Variants in HSP90AA1 observed in about 807,000 individuals in gnomAD.
The protein encoded by HSP90AA1 is heat shock protein 90 alpha family class A member 1, also known as heat shock protein HSP 90-alpha.
HSP90AA1 carries 18 observed loss-of-function variants against 73.3 expected under a neutral mutation model. That is an observed-to-expected ratio of 0.25 (90% CI 0.17 to 0.36). HSP90AA1 has a LOEUF of 0.36. Ranked by LOEUF, HSP90AA1 falls within the 10% of genes least tolerant of loss-of-function variation. The pLI, the probability that HSP90AA1 is intolerant of heterozygous loss-of-function variation, is 1.00. For synonymous variants in HSP90AA1, 477 were observed against 296.9 expected (o/e 1.61, Z -6.24); for missense variants, 704 against 874.2 (o/e 0.81, Z 2.45).
chr14:102,139,523 G>A, exon 1 of HSP90AA1: 1 of 1,075,640 alleles, frequency 9.3e-7, no homozygotes, highest in Non-Finnish European at 1.3e-6. Flanking sequence ...AGACCGCTGA[G>A]GAGGCACCCT....
intron 1 of HSP90AA1, among the ~76,000 whole-genome samples, chr14:102,103,271 A>G (rs1331787281): frequency 3.7e-5 from 5 of 136,518 alleles, no homozygotes; most frequent in African/African-American, 1.4e-4. Flanking sequence ...GTGCAGTGGC[A>G]TGATCATGAT....
Position 102,102,329 on chromosome 14 carries a change from C to A in HSP90AA1, c.156-244G>T, listed in dbSNP as rs8005175. On this transcript the variant is annotated intron_variant, in intron 1 of 11. Coordinates refer to the HSP90AA1 transcript ENST00000334701. ...GTGGATGCTGTATGGCCTGATCCCCCACTCCAGCAGTGCTTCTCTGGGTGG... is the reference window on the plus strand; with the variant it reads ...GTGGATGCTGTATGGCCTGATCCCCAACTCCAGCAGTGCTTCTCTGGGTGG... Among the ~76,000 whole-genome samples the A allele has an allele frequency of 6.5e-3, 991 of 152,292 alleles. 10 individuals are homozygous for A. The highest frequency in any genetic ancestry group is 0.021 in the African/African-American group (892 of 41,558).
intron 2 of HSP90AA1, among the ~76,000 whole-genome samples, chr14:102,101,408 A>G (rs1166766125): frequency 6.6e-6 from 1 of 151,736 alleles, no homozygotes. Flanking sequence ...ACACTCCCCC[A>G]TCATCTCTTG....
exon 2 of HSP90AA1, chr14:102,101,979 C>T (rs749689152): frequency 9.3e-6 from 15 of 1,613,988 alleles, no homozygotes; most frequent in East Asian, 8.9e-5. Flanking sequence ...AATGCAGAGA[C>T]GTGGAAGGGC....
chr14:102,083,732 T>TAAAAAAAAAA, intron 7 of HSP90AA1, 39 bp from the exon 8 acceptor site: 1 of 1,400,548 alleles, frequency 7.1e-7, no homozygotes, highest in Admixed American at 2.2e-5. Context: ...CTTTCTGAAT[T>TAAAAAAAAAA]AAAAAAAAAA....
At chr14:102,139,317 G>A (rs940754722) in exon 1 of HSP90AA1, 4 of 1,613,708 alleles carry the variant, frequency 2.5e-6, no homozygotes, top group African/African-American at 1.3e-5. Flanking sequence ...CGGTCGCGCG[G>A]GTATTCAGCA....
At chr14:102,111,732 C>T (rs904725983) in intron 1 of HSP90AA1, among the ~76,000 whole-genome samples, 10 of 152,200 alleles carry the variant, frequency 6.6e-5, no homozygotes, top group African/African-American at 2.4e-4. Context: ...CTCAATTGTT[C>T]TCTTACATTC....
At chr14:102,086,724 G>GGCCGCTCTGTTCGCGTGCGGC (rs2049248444) in intron 1 of HSP90AA1, among the ~76,000 whole-genome samples, 1 of 150,786 alleles carries the variant, frequency 6.6e-6, no homozygotes, top group Admixed American at 6.6e-5. Flanking sequence ...CCCGCGGCGG[G>GGCCGCTCTGTTCGCGTGCGGC]GCCGCTCTGT....
chr14:102,098,156 C>G (rs1236992998), intron 2 of HSP90AA1, among the ~76,000 whole-genome samples: 1 of 151,784 alleles, frequency 6.6e-6, no homozygotes, highest in African/African-American at 2.4e-5. Context: ...GTTTGTTTTT[C>G]TTTTTCTTTT....
intron 1 of HSP90AA1, among the ~76,000 whole-genome samples, chr14:102,118,014 C>T (rs552199875): frequency 3.0e-4 from 46 of 152,314 alleles, no homozygotes; most frequent in African/African-American, 1.1e-3. Context: ...GAGCTGCCTG[C>T]TCCATGGCAG....
intron 1 of HSP90AA1, among the ~76,000 whole-genome samples, chr14:102,109,560 T>C (rs2049612511): frequency 6.6e-6 from 1 of 152,228 alleles, no homozygotes. Context: ...CCTTCTGCCA[T>C]GATTGTGAGG....
upstream of HSP90AA1, among the ~76,000 whole-genome samples, chr14:102,090,465 T>A (rs1313351568): frequency 1.3e-5 from 1 of 74,484 alleles, no homozygotes; most frequent in African/African-American, 3.0e-5. Context: ...TTTTTTTTTT[T>A]TTGAGACGGA....
chr14:102,128,329 C>G (rs1015837245), intron 1 of HSP90AA1, among the ~76,000 whole-genome samples: 1 of 150,496 alleles, frequency 6.6e-6, no homozygotes, highest in East Asian at 2.0e-4. Context: ...CCGTCTCTAC[C>G]CAAAATACAA....
At chr14:102,095,526 C>T (rs1200688547) in intron 2 of HSP90AA1, among the ~76,000 whole-genome samples, 1 of 152,210 alleles carries the variant, frequency 6.6e-6, no homozygotes, top group Non-Finnish European at 1.5e-5. Flanking sequence ...GCAGCTCCCT[C>T]AGGAACTTCT....
chr14:102,081,637 G>T lies in HSP90AA1; in HGVS notation c.*75C>A, dbSNP rs1032129043. The T allele has an allele frequency of 9.9e-6, 8 of 804,146 alleles. No homozygotes were observed. In the African/African-American group the frequency reaches 1.0e-4, roughly 10 times the overall value. The allele number at this position is 804,146 out of a possible 1,614,324, so 49.8% of individuals were successfully genotyped here. ...ACTTTTTAATATTAACAAAAATAAAGAAAAACATCCTTGAAAATATATTAT... is the reference window on the plus strand; with the variant it reads ...ACTTTTTAATATTAACAAAAATAAATAAAAACATCCTTGAAAATATATTAT... On this transcript the variant is annotated 3_prime_UTR_variant, in exon 11 of 11. Transcript: ENST00000216281.
chr14:102,093,027 G>C (rs1347677209), intron 2 of HSP90AA1, among the ~76,000 whole-genome samples: 3 of 151,950 alleles, frequency 2.0e-5, no homozygotes, highest in Admixed American at 6.6e-5. Context: ...TTACGGGCGT[G>C]AACCACCGCG....
intron 1 of HSP90AA1, 114 bp from the exon 2 acceptor site, chr14:102,086,492 A>C (rs2049238969): frequency 6.7e-6 from 8 of 1,199,428 alleles, no homozygotes; most frequent in Non-Finnish European, 8.7e-6. Flanking sequence ...TGCGAAGTTT[A>C]AGTAAACCGA....
intron 1 of HSP90AA1, among the ~76,000 whole-genome samples, chr14:102,133,485 C>CTTT (rs34704566): frequency 0.011 from 1,543 of 134,292 alleles, 21 homozygotes; most frequent in South Asian, 0.035. Flanking sequence ...TAAACTAGTT[C>CTTT]TTTTTTTTTT....
chr14:102,108,787 G>A lies in HSP90AA1; in HGVS notation c.156-6702C>T, dbSNP rs150868655. ...CCTGACCTCATGATCCACCCACCTC[G>A]GCCTCCCAAAGTGCTGGGATTACAG... On this transcript the variant is annotated intron_variant, in intron 1 of 11. Transcript: ENST00000334701. Among the ~76,000 whole-genome samples, 40 of 151,818 alleles carry A rather than the reference G, an allele frequency of 2.6e-4. No individual in the cohort carries two copies. In the Middle Eastern group the frequency reaches 0.01, roughly 39 times the overall value.
Sources: allele counts gnomAD v4.1 joint callset (sites outside exome capture counted in the v4.1 genomes callset), GRCh38; gene constraint gnomAD v4.1.1; transcripts MANE v1.5; gene names NCBI Gene and HGNC (gene_info 2026-07-23, HGNC 2026-07-21).